Variants in ERC2 observed in about 807,000 individuals in gnomAD.
ERC2 encodes the protein ERC protein 2.
A neutral mutation model predicts 114.8 loss-of-function variants in ERC2; 42 were observed. That is an observed-to-expected ratio of 0.37 (90% confidence interval 0.29 to 0.47). The LOEUF is 0.47. ERC2 is among the 20% of genes least tolerant of loss of function. The pLI is 0.99. For missense variants in ERC2, 939 were observed against 1,150.7 expected, an observed-to-expected ratio of 0.82 and a Z score of 2.66; for synonymous variants, 454 against 425.5, an observed-to-expected ratio of 1.07 and a Z score of -0.82.
At chr3:56,452,009 C>A (rs1457726602) in intron 1 of ERC2, among the ~76,000 whole-genome samples, 1 of 152,096 alleles carries the variant, frequency 6.6e-6, no homozygotes, top group Non-Finnish European at 1.5e-5. Context: ...AGTTTTTTAA[C>A]CTGGACAAGA....
At chr3:55,642,005 T>G (rs909731418) in intron 17 of ERC2, among the ~76,000 whole-genome samples, 3 of 152,224 alleles carry the variant, frequency 2.0e-5, no homozygotes, top group Non-Finnish European at 4.4e-5. Context: ...GGTGGAGACA[T>G]GCAATGTTCC....
At chr3:55,933,457 A>G (rs147706763) in intron 13 of ERC2, among the ~76,000 whole-genome samples, 423 of 152,364 alleles carry the variant, frequency 2.8e-3, no homozygotes, top group African/African-American at 9.5e-3. Context: ...CGATACCTGT[A>G]TGCACTTAAA....
At chr3:55,858,122 T>C (rs1189386679) in intron 14 of ERC2, among the ~76,000 whole-genome samples, 2 of 152,180 alleles carry the variant, frequency 1.3e-5, no homozygotes, top group Non-Finnish European at 1.5e-5. Flanking sequence ...TAGACACATA[T>C]GCCATAACTA....
intron 16 of ERC2, 123 bp from the exon 17 acceptor site, chr3:55,683,982 T>C: frequency 9.5e-7 from 1 of 1,049,112 alleles, no homozygotes; most frequent in Non-Finnish European, 1.4e-6. Flanking sequence ...TGTTTTTTAA[T>C]CTTCAAGACT....
At position 56,441,350 on chromosome 3, in the gene ERC2, T is replaced by C. The variant is rs201552411; in HGVS notation, c.-140-6203A>G. Among the ~76,000 whole-genome samples the C allele has an allele frequency of 9.2e-5, 14 of 152,270 alleles. No homozygotes were observed. In the East Asian group the frequency reaches 2.3e-3, roughly 25 times the overall value. ...TGCATGAATAACAGCCATCACTATATGTAACAAGACCACCAATCAACCCAC... is the reference window on the plus strand; with the variant it reads ...TGCATGAATAACAGCCATCACTATACGTAACAAGACCACCAATCAACCCAC... On this transcript the variant is annotated intron_variant, in intron 1 of 17. Coordinates refer to ENST00000288221, the MANE Select transcript of ERC2 (RefSeq NM_015576.3).
intron 17 of ERC2, among the ~76,000 whole-genome samples, chr3:55,641,194 T>C (rs1316689068): frequency 6.6e-6 from 1 of 152,168 alleles, no homozygotes; most frequent in African/African-American, 2.4e-5. Context: ...CCCAATGCCA[T>C]TGTTTTTAGC....
intron 12 of ERC2, among the ~76,000 whole-genome samples, chr3:55,968,025 A>G (rs2068878816): frequency 6.6e-6 from 1 of 152,228 alleles, no homozygotes; most frequent in South Asian, 2.1e-4. Flanking sequence ...ATAGCACCAC[A>G]AAACAGATAC....
intron 17 of ERC2, among the ~76,000 whole-genome samples, chr3:55,549,301 A>G (rs1000624892): frequency 2.6e-5 from 4 of 152,120 alleles, no homozygotes; most frequent in East Asian, 1.9e-4. Flanking sequence ...AAAGGCCTCT[A>G]TGAAGGGTAG....
intron 2 of ERC2, among the ~76,000 whole-genome samples, chr3:56,378,875 T>C (rs2059645974): frequency 6.6e-6 from 1 of 152,174 alleles, no homozygotes; most frequent in Admixed American, 6.6e-5. Flanking sequence ...AACCCTGGCC[T>C]CTTAAGTTAG....
intron 6 of ERC2, among the ~76,000 whole-genome samples, chr3:56,121,015 C>T (rs1237023091): frequency 6.6e-6 from 1 of 152,192 alleles, no homozygotes; most frequent in African/African-American, 2.4e-5. Flanking sequence ...CAGAATCATG[C>T]AGCTGGAAGA....
At chr3:56,186,628 T>A (rs2083636710) in intron 3 of ERC2, among the ~76,000 whole-genome samples, 1 of 152,184 alleles carries the variant, frequency 6.6e-6, no homozygotes, top group South Asian at 2.1e-4. Flanking sequence ...GCCCTCTGCC[T>A]CCTGGGTTCA....
chr3:56,103,657 C>G (rs1221385859), intron 6 of ERC2, among the ~76,000 whole-genome samples: 1 of 152,066 alleles, frequency 6.6e-6, no homozygotes, highest in Non-Finnish European at 1.5e-5. Flanking sequence ...CCAAGGAAGT[C>G]TCCACAACAA....
intron 14 of ERC2, among the ~76,000 whole-genome samples, chr3:55,860,122 G>C (rs562651330): frequency 1.3e-5 from 2 of 152,082 alleles, no homozygotes; most frequent in Admixed American, 6.5e-5. Flanking sequence ...CTCGGTTCCT[G>C]CAGCTGGAAA....
chr3:55,603,408 G>A (rs1488187534), intron 17 of ERC2, among the ~76,000 whole-genome samples: 5 of 152,228 alleles, frequency 3.3e-5, no homozygotes, highest in Admixed American at 2.0e-4. Context: ...CGAGGCAGGC[G>A]GATCACAAGG....
chr3:55,796,401 G>A (rs1482498956), intron 14 of ERC2, among the ~76,000 whole-genome samples: 1 of 152,182 alleles, frequency 6.6e-6, no homozygotes, highest in African/African-American at 2.4e-5. Flanking sequence ...TTACAGAACT[G>A]CAGTCCATGG....
At chr3:56,372,745 A>C (rs914144333) in intron 2 of ERC2, among the ~76,000 whole-genome samples, 4 of 152,112 alleles carry the variant, frequency 2.6e-5, no homozygotes, top group Admixed American at 6.6e-5. Flanking sequence ...AAGAAAGAAA[A>C]GAAAAGAAAA....
intron 7 of ERC2, among the ~76,000 whole-genome samples, chr3:56,032,811 G>C (rs2074448031): frequency 6.8e-6 from 1 of 146,690 alleles, no homozygotes; most frequent in East Asian, 2.0e-4. Flanking sequence ...ACTCCAACCT[G>C]AGAAACATAG....
At chr3:55,568,858 C>T (rs2056533195) in intron 17 of ERC2, among the ~76,000 whole-genome samples, 1 of 152,194 alleles carries the variant, frequency 6.6e-6, no homozygotes, top group South Asian at 2.1e-4. Flanking sequence ...CCTGCTCCCC[C>T]TCTGACACGT....
intron 4 of ERC2, among the ~76,000 whole-genome samples, chr3:56,170,763 A>ATTTTTTTTT: frequency 8.4e-6 from 1 of 118,606 alleles, no homozygotes; most frequent in Non-Finnish European, 1.7e-5. Flanking sequence ...CACCTGGCTA[A>ATTTTTTTTT]TTTTTTTTTT....
Sources: gnomAD v4.1 joint callset for allele counts (sites outside exome capture counted in the v4.1 genomes callset) on GRCh38, gnomAD v4.1.1 for gene constraint, MANE v1.5 for transcripts, NCBI Gene and HGNC (gene_info 2026-07-23, HGNC 2026-07-21) for gene names.